Variants in HDAC4 observed in about 807,000 individuals in gnomAD.
The protein encoded by HDAC4 is histone deacetylase A.
In HDAC4, 16 loss-of-function variants were observed where a neutral mutation model predicts 135.1. The ratio of observed to expected loss-of-function variants is 0.12; its 90% confidence interval spans 0.08 to 0.18. The LOEUF (loss-of-function observed/expected upper bound fraction) is 0.18, where lower values mean the gene tolerates loss of function less well. Among genes scored for constraint, HDAC4 ranks in the 10% least tolerant of loss-of-function variants. The pLI is 1.00. For synonymous variants in HDAC4, 685 were observed against 653.4 expected (o/e 1.05, Z -0.74); for missense variants, 1,143 against 1,511.8 (o/e 0.76, Z 4.05).
In HDAC4 at chr2:239,115,293, G is replaced by T; in HGVS notation, c.1551C>A (p.Ser517Arg). Residue 517 changes from serine (S) to arginine (R), a missense_variant, in exon 13 of 27, where the codon AGC (serine) becomes AGA (arginine). Coordinates refer to ENST00000543185, the MANE Select transcript of HDAC4 (RefSeq NM_001378414.1). The surrounding 1 kb of genome is among the most constrained non-coding windows in gnomAD (Gnocchi z 6.3). ...GGCTCTCCGGCTGCCGGGCTGGCTC[G>T]CTTGGCTTGGGGATGATCTGCAAGG... ...LQMNKIIPKPSEPARQPESHP... is the reference protein window; with the variant it reads ...LQMNKIIPKPREPARQPESHP... 6.2e-7 allele frequency: 1 copy of T among 1,613,224 alleles called. No homozygotes were observed.
In HDAC4 at chr2:239,336,105, G is replaced by A. The variant is rs1054643096; in HGVS notation, c.22+16573C>T. On this transcript the variant is annotated intron_variant, in intron 2 of 26. Transcript: ENST00000543185. ...ATCAATAAATCTAACATATTGTCAA[G>A]TGAAATAATCCAGACAATAAGAATA... 3.9e-5 allele frequency among the ~76,000 whole-genome samples: 6 copies of A among 152,178 alleles called. 1 individual carries two copies. The South Asian group carries it at 1.0e-3, about 26-fold the overall frequency.
intron 26 of HDAC4, 94 bp downstream of exon 26, chr2:239,053,366 G>A: frequency 6.6e-7 from 1 of 1,504,690 alleles, no homozygotes; most frequent in East Asian, 2.3e-5. Context: ...GTTGGGCAGG[G>A]CATGTGCCAT....
intron 24 of HDAC4, among the ~76,000 whole-genome samples, chr2:239,056,410 G>A (rs11892831): frequency 0.032 from 4,843 of 152,306 alleles, 248 homozygotes; most frequent in African/African-American, 0.11. Flanking sequence ...AAATCAGGAC[G>A]TGCCTGAAGG....
intron 16 of HDAC4, among the ~76,000 whole-genome samples, chr2:239,095,764 C>T (rs1420098394): frequency 6.6e-6 from 1 of 152,154 alleles, no homozygotes; most frequent in Non-Finnish European, 1.5e-5. Flanking sequence ...CCTGTTTGAC[C>T]CAGTGCTGGC....
At chr2:239,216,956 T>C (rs550500105) in intron 3 of HDAC4, among the ~76,000 whole-genome samples, 1 of 152,222 alleles carries the variant, frequency 6.6e-6, no homozygotes, top group African/African-American at 2.4e-5. Context: ...GAGAAGTAAG[T>C]AGCAAAAGAC....
At chr2:239,205,885 A>G (rs1251817973) in intron 3 of HDAC4, among the ~76,000 whole-genome samples, 3 of 152,212 alleles carry the variant, frequency 2.0e-5, no homozygotes, top group African/African-American at 7.2e-5. Context: ...GACATAAAAT[A>G]GGGACTTTAG....
intron 2 of HDAC4, among the ~76,000 whole-genome samples, chr2:239,253,961 A>G (rs1441676832): frequency 6.6e-6 from 1 of 152,154 alleles, no homozygotes; most frequent in East Asian, 1.9e-4. Flanking sequence ...TGTCTGGTCT[A>G]TGAAAAGAGA....
intron 1 of HDAC4, among the ~76,000 whole-genome samples, chr2:239,374,647 C>A (rs1052036679): frequency 1.3e-5 from 2 of 151,906 alleles, no homozygotes; most frequent in African/African-American, 2.4e-5. Flanking sequence ...TCGTGATCCG[C>A]CCGCCTCGGC....
chr2:239,258,136 G>A (rs1016124771), intron 2 of HDAC4, among the ~76,000 whole-genome samples: 2 of 152,190 alleles, frequency 1.3e-5, no homozygotes, highest in African/African-American at 2.4e-5. Flanking sequence ...AATGCAAAAA[G>A]TGAAATTAAG....
intron 24 of HDAC4, among the ~76,000 whole-genome samples, chr2:239,057,575 G>A (rs2032068699): frequency 6.6e-6 from 1 of 152,210 alleles, no homozygotes; most frequent in South Asian, 2.1e-4. Context: ...TAACAGCAAT[G>A]GAGGCAAGCA....
chr2:239,294,600 C>A (rs950111822), intron 2 of HDAC4, among the ~76,000 whole-genome samples: 1 of 152,066 alleles, frequency 6.6e-6, no homozygotes, highest in African/African-American at 2.4e-5. Flanking sequence ...ACAGCTGGGG[C>A]ACACACAGAT....
At chr2:239,121,484 TC>T (rs902209023) in intron 12 of HDAC4, among the ~76,000 whole-genome samples, 15 of 152,196 alleles carry the variant, frequency 9.9e-5, no homozygotes, top group Non-Finnish European at 2.1e-4. Flanking sequence ...TCCCCACTGT[TC>T]CAAGGGCTCT....
At chr2:239,392,152 CG>C (rs1696268505) in intron 1 of HDAC4, among the ~76,000 whole-genome samples, 1 of 152,230 alleles carries the variant, frequency 6.6e-6, no homozygotes, top group Admixed American at 6.5e-5. Flanking sequence ...CGGGCATGCA[CG>C]TAACGGCTCT....
intron 7 of HDAC4, among the ~76,000 whole-genome samples, chr2:239,153,382 A>G (rs976091620): frequency 2.0e-5 from 3 of 152,260 alleles, no homozygotes; most frequent in Non-Finnish European, 4.4e-5. Flanking sequence ...CAATTATTAA[A>G]GACTATTTCA....
intron 8 of HDAC4, among the ~76,000 whole-genome samples, chr2:239,140,597 C>G (rs1559500788): frequency 2.0e-5 from 3 of 152,156 alleles, no homozygotes; most frequent in Non-Finnish European, 4.4e-5. Context: ...TAAAGCTTTC[C>G]AAAGAAAACA....
In HDAC4 at chr2:239,052,746, T is replaced by G. The variant is rs1216698796; in HGVS notation, c.*351A>C. Reference sequence around the variant, plus strand: ...TTTGATATTTGTTTTCTGTGCCTCGTGTCAACTGAATTCGGCAGCTCGGCC... The same window carrying G: ...TTTGATATTTGTTTTCTGTGCCTCGGGTCAACTGAATTCGGCAGCTCGGCC... On this transcript the variant is annotated 3_prime_UTR_variant, in exon 27 of 27. Transcript: ENST00000543185. The G allele has an allele frequency of 5.4e-6, 2 of 368,418 alleles. No individual in the cohort carries two copies. Among genetic ancestry groups the G allele is most frequent in the Non-Finnish European group, 1.0e-5 (2 of 198,648 alleles). The allele number at this position is 368,418 out of a possible 1,614,324, so 22.8% of individuals were successfully genotyped here.
intron 24 of HDAC4, among the ~76,000 whole-genome samples, chr2:239,065,606 C>T (rs562657453): frequency 2.2e-4 from 33 of 152,324 alleles, no homozygotes; most frequent in African/African-American, 5.8e-4. Context: ...CTGAGACTGT[C>T]CTCAGGACTG....
chr2:239,095,183 TC>T (rs771657026), intron 16 of HDAC4, 127 bp from the exon 17 acceptor site: 4 of 975,392 alleles, frequency 4.1e-6, no homozygotes, highest in Non-Finnish European at 6.5e-6. Context: ...GGGCCACTGC[TC>T]CCCCTTGTGA....
chr2:239,142,393 A>G (rs960095145), intron 8 of HDAC4, among the ~76,000 whole-genome samples: 2 of 152,154 alleles, frequency 1.3e-5, no homozygotes, highest in Non-Finnish European at 2.9e-5. Context: ...CTCCACTCAG[A>G]GCAGCCTCCC....
Sources: gnomAD v4.1 joint callset for allele counts (sites outside exome capture counted in the v4.1 genomes callset) on GRCh38, gnomAD v4.1.1 for gene constraint, Gnocchi (gnomAD v3.1) non-coding constraint, MANE v1.5 for transcripts, NCBI Gene and HGNC (gene_info 2026-07-23, HGNC 2026-07-21) for gene names.